The following LHFPL2 variants were observed in gnomAD, a reference collection of about 807,000 sequenced individuals.
LHFPL2 encodes LHFPL tetraspan subfamily member 2 protein.
Under a neutral mutation model 17.5 loss-of-function variants are expected in LHFPL2, and 7 were observed. The ratio of observed to expected loss-of-function variants is 0.40; its 90% CI spans 0.23 to 0.75. The LOEUF is 0.75. Among genes scored for constraint, LHFPL2 ranks in the 30% least tolerant of loss-of-function variants. The pLI is 0.37. For missense variants in LHFPL2, 241 were observed against 294.8 expected (o/e 0.82, Z 1.34); for synonymous variants, 134 against 116.2 (o/e 1.15, Z -0.99).
chr5:78,566,603 A>C (rs1580812980), intron 2 of LHFPL2, among the ~76,000 whole-genome samples: 2 of 152,174 alleles, frequency 1.3e-5, no homozygotes, highest in East Asian at 3.9e-4. Context: ...GATTACAGGC[A>C]TGTGCCACCA....
intron 3 of LHFPL2, among the ~76,000 whole-genome samples, chr5:78,535,703 C>T (rs960068376): frequency 6.6e-6 from 1 of 152,170 alleles, no homozygotes; most frequent in African/African-American, 2.4e-5. Context: ...GCTGGGGGCG[C>T]CTCTGGAGCT....
chr5:78,531,241 C>A (rs1421611747), intron 3 of LHFPL2, among the ~76,000 whole-genome samples: 1 of 151,016 alleles, frequency 6.6e-6, no homozygotes, highest in Non-Finnish European at 1.5e-5. Context: ...CATGGAGAAA[C>A]CCCGTCTCTA....
At chr5:78,489,225 T>C (rs780779215) in intron 4 of LHFPL2, 72 bp from the exon 5 acceptor site, 89 of 1,561,352 alleles carry the variant, frequency 5.7e-5, no homozygotes, top group Non-Finnish European at 4.5e-5. Flanking sequence ...GTTGTAATTG[T>C]TACTTGATTT....
rs192650392 is a variant in LHFPL2 at position 78,524,219 on chromosome 5, A to G, written c.-185-13821T>C. ...CGCCCAGGTTATGCTCCTCGGCCTCACAGCCTTTTCCCTTGGGCTGCTCAG... is the reference window on the plus strand; with the variant it reads ...CGCCCAGGTTATGCTCCTCGGCCTCGCAGCCTTTTCCCTTGGGCTGCTCAG... On this transcript the variant is annotated intron_variant, in intron 3 of 4. Transcript: ENST00000380345. Among the ~76,000 whole-genome samples the G allele has an allele frequency of 7.2e-3, 1,103 of 152,314 alleles. 7 individuals are homozygous for G. Among genetic ancestry groups the G allele is most frequent in the South Asian group, 0.024 (115 of 4,822 alleles).
chr5:78,572,478 A>G (rs1377451188), intron 2 of LHFPL2, among the ~76,000 whole-genome samples: 1 of 148,668 alleles, frequency 6.7e-6, no homozygotes, highest in Non-Finnish European at 1.5e-5. Context: ...ATGTGTATAT[A>G]TATGTGTATA....
intron 4 of LHFPL2, among the ~76,000 whole-genome samples, chr5:78,500,059 C>A (rs182564275): frequency 6.6e-6 from 1 of 150,978 alleles, no homozygotes; most frequent in East Asian, 1.9e-4. Flanking sequence ...CAACTGACGA[C>A]TTAGTTTTTG....
intron 3 of LHFPL2, among the ~76,000 whole-genome samples, chr5:78,550,116 G>A (rs1561334574): frequency 1.3e-5 from 2 of 152,160 alleles, no homozygotes. Context: ...GGATCAGGAG[G>A]CCAAGCTTGC....
rs1754379498 is a variant in LHFPL2, at chr5:78,489,874, A to G, written c.431-721T>C. 1.3e-5 allele frequency among the ~76,000 whole-genome samples: 2 copies of G among 149,064 alleles called. 1 individual carries two copies. Among genetic ancestry groups the G allele is most frequent in the South Asian group, 4.5e-4 (2 of 4,478 alleles). Reference sequence around the variant, plus strand: ...TGCAAAATCTAAAATGTTTACTCTAAAATGTTTACTGTCTGGCTTTCTGCA... The same window carrying G: ...TGCAAAATCTAAAATGTTTACTCTAGAATGTTTACTGTCTGGCTTTCTGCA... On this transcript the variant is annotated intron_variant, in intron 4 of 4. Transcript: ENST00000380345.
rs1561352310 is a variant in LHFPL2, at chr5:78,584,993, G to GTTTTTTTTTTTTTTTTTT, written c.-244-20123_-244-20122insAAAAAAAAAAAAAAAAAA. Among the ~76,000 whole-genome samples, 3 of 84,758 alleles carry GTTTTTTTTTTTTTTTTTT rather than the reference G, an allele frequency of 3.5e-5. 1 individual carries two copies. The highest frequency in any genetic ancestry group is 1.5e-4 in the African/African-American group (3 of 20,152). The allele number at this position is 84,758 out of a possible 152,430, so 55.6% of individuals were successfully genotyped here. ...GCGGGATATAATCTCCTGGTGCGCT[G>GTTTTTTTTTTTTTTTTTT]TGTTTTTTTTTTTTTTTTTTTTTTT... is the stretch of plus-strand genomic sequence containing the variant. On this transcript the variant is annotated intron_variant, in intron 2 of 4. Transcript: ENST00000380345.
At chr5:78,601,612 G>T (rs1330579276) in intron 2 of LHFPL2, among the ~76,000 whole-genome samples, 7 of 152,184 alleles carry the variant, frequency 4.6e-5, no homozygotes, top group African/African-American at 1.7e-4. Flanking sequence ...GAATTCAACA[G>T]CACTAGAAGG....
intron 4 of LHFPL2, among the ~76,000 whole-genome samples, chr5:78,508,880 C>G (rs1005233923): frequency 1.3e-5 from 2 of 152,202 alleles, no homozygotes; most frequent in African/African-American, 4.8e-5. Flanking sequence ...TACTCTACTT[C>G]TTTGGGGATG....
At chr5:78,597,747 C>G (rs1407696094) in intron 2 of LHFPL2, among the ~76,000 whole-genome samples, 1 of 152,122 alleles carries the variant, frequency 6.6e-6, no homozygotes, top group African/African-American at 2.4e-5. Flanking sequence ...TGGTATGTTA[C>G]AGGAATAAGA....
intron 3 of LHFPL2, among the ~76,000 whole-genome samples, chr5:78,511,622 T>G (rs1755128974): frequency 6.6e-6 from 1 of 152,122 alleles, no homozygotes; most frequent in Admixed American, 6.5e-5. Context: ...GGCAGGGAGT[T>G]ATCGAAGAGG....
At chr5:78,536,163 G>T (rs1475798179) in intron 3 of LHFPL2, among the ~76,000 whole-genome samples, 1 of 152,146 alleles carries the variant, frequency 6.6e-6, no homozygotes, top group African/African-American at 2.4e-5. Flanking sequence ...AGAGTGGGGG[G>T]ATCAGAAACA....
At chr5:78,582,977 G>A (rs978342246) in intron 2 of LHFPL2, among the ~76,000 whole-genome samples, 1 of 152,084 alleles carries the variant, frequency 6.6e-6, no homozygotes, top group Non-Finnish European at 1.5e-5. Flanking sequence ...CTCCTGTATT[G>A]GGTGCATATA....
At chr5:78,491,984 A>C (rs1345895679) in intron 4 of LHFPL2, among the ~76,000 whole-genome samples, 1 of 152,156 alleles carries the variant, frequency 6.6e-6, no homozygotes, top group African/African-American at 2.4e-5. Context: ...GATTTAACCA[A>C]TTCTTAAATA....
chr5:78,623,642 G>GCACT (rs1389422872), intron 2 of LHFPL2, among the ~76,000 whole-genome samples: 2 of 152,142 alleles, frequency 1.3e-5, no homozygotes, highest in African/African-American at 4.8e-5. Context: ...GGGAAGGTGG[G>GCACT]CACTCCCACC....
intron 3 of LHFPL2, among the ~76,000 whole-genome samples, chr5:78,557,655 C>T (rs1184422677): frequency 1.3e-5 from 2 of 152,206 alleles, no homozygotes; most frequent in African/African-American, 4.8e-5. Context: ...CCTCCTAACA[C>T]CACTTGGCCA....
intron 2 of LHFPL2, among the ~76,000 whole-genome samples, chr5:78,576,899 T>C (rs1253396983): frequency 5.3e-5 from 8 of 152,236 alleles, no homozygotes; most frequent in Admixed American, 5.2e-4. Flanking sequence ...TAGCATTTTA[T>C]AGATCATTTA....
Sources: allele counts gnomAD v4.1 joint callset (sites outside exome capture counted in the v4.1 genomes callset), GRCh38; gene constraint gnomAD v4.1.1; transcripts MANE v1.5; gene names NCBI Gene and HGNC (gene_info 2026-07-23, HGNC 2026-07-21).